SHOC1: variants seen among roughly 807,000 people sequenced by gnomAD.
The protein encoded by SHOC1 is protein shortage in chiasmata 1 ortholog.
Under a neutral mutation model 179.2 loss-of-function variants are expected in SHOC1, and 136 were observed. The ratio of observed to expected loss-of-function variants is 0.76; its 90% confidence interval spans 0.66 to 0.87. The LOEUF (loss-of-function observed/expected upper bound fraction) is 0.87. Ranked by LOEUF, SHOC1 falls within the 40% of genes least tolerant of loss-of-function variation. The pLI, the probability that SHOC1 is intolerant of heterozygous loss-of-function variation, is 0.00. For missense variants in SHOC1, 1,538 were observed against 1,700.8 expected, an observed-to-expected ratio of 0.90 and a Z score of 1.68; for synonymous variants, 489 against 586.6, an observed-to-expected ratio of 0.83 and a Z score of 2.41.
At chr9:111,774,926 T>C (rs910980715) in intron 5 of SHOC1, among the ~76,000 whole-genome samples, 7 of 152,280 alleles carry the variant, frequency 4.6e-5, no homozygotes, top group Admixed American at 1.3e-4. Flanking sequence ...AGTTTTTACA[T>C]GGTTGAAAGA....
chr9:111,710,428 T>C (rs551575835), intron 18 of SHOC1, among the ~76,000 whole-genome samples: 1 of 152,298 alleles, frequency 6.6e-6, no homozygotes, highest in East Asian at 1.9e-4. Flanking sequence ...TATTTGTATA[T>C]TTCGGTTCAG....
At chr9:111,705,398 T>A in intron 20 of SHOC1, 34 bp from the exon 21 acceptor site, 1 of 1,098,368 alleles carries the variant, frequency 9.1e-7, no homozygotes, top group Non-Finnish European at 1.3e-6. Flanking sequence ...TATTTCTCTT[T>A]TATTCTCATC....
intron 6 of SHOC1, among the ~76,000 whole-genome samples, 190 bp downstream of exon 6, chr9:111,758,505 C>T (rs960248384): frequency 7.9e-5 from 12 of 152,204 alleles, no homozygotes; most frequent in African/African-American, 2.9e-4. Context: ...AGGAGAATCG[C>T]ATGTGCCCAG....
Position 111,768,516 on chromosome 9 carries a change from G to A in SHOC1, c.442+7275C>T, listed in dbSNP as rs143377203. Among the ~76,000 whole-genome samples the A allele has an allele frequency of 6.2e-3, 942 of 152,278 alleles. 27 individuals are homozygous for A. Among genetic ancestry groups the A allele is most frequent in the East Asian group, 0.017 (88 of 5,188 alleles). On this transcript the variant is annotated intron_variant, in intron 5 of 27. Coordinates refer to ENST00000682961, the MANE Select transcript of SHOC1 (RefSeq NM_001378211.1). ...TTACAGGCGTGAGCCACCGCGCCCA[G>A]CCATTATGTTGATTTTGTGTTCTGC... is the stretch of plus-strand genomic sequence containing the variant.
chr9:111,753,485 AAAAGGAT>A lies in SHOC1; in HGVS notation c.862+2833_862+2839del, dbSNP rs1163942457. 2.0e-4 allele frequency among the ~76,000 whole-genome samples: 31 copies of A among 152,352 alleles called. 1 individual carries two copies. The highest frequency in any genetic ancestry group is 7.5e-4 in the African/African-American group (31 of 41,598). ...CAAACTCAATGTAATATACCATATC[AAAAGGAT>A]AAAAAATTTTAAAACCATGATTATT... On this transcript the variant is annotated intron_variant, in intron 8 of 27. Transcript: ENST00000682961.
intron 5 of SHOC1, among the ~76,000 whole-genome samples, chr9:111,769,975 GTTTTTTTTTTGTTTTTTTT>G (rs1835512066): frequency 3.4e-5 from 3 of 87,806 alleles, no homozygotes; most frequent in African/African-American, 5.3e-5. Flanking sequence ...TTTATCTTCT[GTTTTTTTTTTGTTTTTTTT>G]TTTTTTTTTT....
chr9:111,704,031 C>T lies in SHOC1; in HGVS notation c.2856-39G>A, dbSNP rs372929084. On this transcript the variant is annotated intron_variant, in intron 21 of 27. Transcript: ENST00000682961. The stretch of plus-strand genomic sequence containing the variant: ...TATTCTTGAGTGAAAAAATGAAATG[C>T]TAATAAAATTATTTAAGAAAAGTTG... The T allele has an allele frequency of 3.4e-5, 37 of 1,101,390 alleles. No homozygotes were observed. In the East Asian group the frequency reaches 8.0e-4, roughly 24 times the overall value. 68.2% of individuals were successfully genotyped at this position (1,101,390 alleles called of 1,614,324 possible). A position where few individuals can be genotyped will look rare whatever the true frequency, so the allele number is the denominator to read the frequency against.
intron 11 of SHOC1, among the ~76,000 whole-genome samples, chr9:111,739,610 CTG>C (rs1232094408): frequency 6.6e-6 from 1 of 152,044 alleles, no homozygotes; most frequent in African/African-American, 2.4e-5. Flanking sequence ...TTGAGATCAT[CTG>C]TGTTGTGTAT....
intron 8 of SHOC1, among the ~76,000 whole-genome samples, chr9:111,752,114 C>T (rs1023324703): frequency 4.6e-5 from 7 of 152,142 alleles, no homozygotes; most frequent in East Asian, 1.9e-4. Context: ...TGACATATTT[C>T]GTACTAGCTG....
chr9:111,731,424 T>A (rs1168223393), intron 12 of SHOC1, among the ~76,000 whole-genome samples: 1 of 152,108 alleles, frequency 6.6e-6, no homozygotes, highest in African/African-American at 2.4e-5. Context: ...CAGGCCACTG[T>A]AGGGTTATTA....
chr9:111,791,374 C>G lies in SHOC1; in HGVS notation c.45G>C (p.Glu15Asp). The G allele has an allele frequency of 6.9e-7, 1 of 1,457,246 alleles. No homozygotes were observed. The highest frequency in any genetic ancestry group is 9.1e-7 in the Non-Finnish European group (1 of 1,095,888). The allele number at this position is 1,457,246 out of a possible 1,614,324, so 90.3% of individuals were successfully genotyped here. Residue 15 changes from glutamate to aspartate, a missense_variant and splice_region_variant, in exon 2 of 28, where the codon GAG (glutamate) becomes GAC (aspartate). Physicochemically the swap from Glu to Asp is conservative, Grantham distance 45. Transcript: ENST00000682961. ...LKYHAIDYLY[E>D]NVVRKKFYRD... The stretch of plus-strand genomic sequence containing the variant: ...AGACAGTAAGCCACTAACACTCTAC[C>G]TCATATAAATAGTCTATTGCATGAT...
In SHOC1 at chr9:111,756,375, A is replaced by G. The variant is rs746586090; in HGVS notation, c.812T>C (p.Val271Ala). Reference sequence around the variant, plus strand: ...ATCTACATAGTTTATTATTTCTGGCACTGGGTTTAATAACTCCTTCAGTTC... The same window carrying G: ...ATCTACATAGTTTATTATTTCTGGCGCTGGGTTTAATAACTCCTTCAGTTC... ...LSELKELLNP[V>A]PEIINYVDEK... Residue 271 changes from valine (V) to alanine (A), a missense_variant, in exon 8 of 28, where the codon GTG becomes GCG. Coordinates refer to ENST00000682961, the MANE Select transcript of SHOC1 (RefSeq NM_001378211.1). The G allele has an allele frequency of 6.2e-7, 1 of 1,611,152 alleles. No individual in the cohort carries two copies. Among genetic ancestry groups the G allele is most frequent in the Non-Finnish European group, 8.5e-7 (1 of 1,178,732 alleles).
At chr9:111,687,855 TA>T (rs1831248391) in intron 27 of SHOC1, among the ~76,000 whole-genome samples, 1 of 152,124 alleles carries the variant, frequency 6.6e-6, no homozygotes, top group African/African-American at 2.4e-5. Flanking sequence ...ATACACCCTT[TA>T]GGGGGATATC....
chr9:111,770,794 C>T (rs1835573198), intron 5 of SHOC1, among the ~76,000 whole-genome samples: 1 of 152,094 alleles, frequency 6.6e-6, no homozygotes, highest in South Asian at 2.1e-4. Context: ...TCTCTTTTTA[C>T]AATCTTAGAT....
In SHOC1 at chr9:111,691,582, T is replaced by C. The variant is rs767202342; in HGVS notation, c.4395A>G (p.Ser1465=). The C allele has an allele frequency of 3.1e-6, 5 of 1,613,332 alleles. No homozygotes were observed. The East Asian group carries it at 1.1e-4, about 36-fold the overall frequency. Residue 1465 remains serine, a synonymous_variant, in exon 27 of 28, where the codon TCA becomes TCG. Coordinates refer to ENST00000682961, the MANE Select transcript of SHOC1 (RefSeq NM_001378211.1). ...ATGATTCCTTGTCTCCTGAGTTAAA[T>C]GAAGATTCATGGTGCCTTTTCTGTC... ...SLGQKRHHES[S]FNSGDKESLT... is the part of the protein sequence containing the mutation.
At chr9:111,732,778 T>G (rs1195809892) in intron 12 of SHOC1, among the ~76,000 whole-genome samples, 10 of 151,682 alleles carry the variant, frequency 6.6e-5, no homozygotes, top group African/African-American at 2.4e-4. Context: ...GGAGGAGAGG[T>G]GGGATGGAAG....
chr9:111,745,030 GA>G (rs561083680), intron 10 of SHOC1, among the ~76,000 whole-genome samples: 92 of 152,220 alleles, frequency 6.0e-4, no homozygotes, highest in African/African-American at 2.1e-3. Flanking sequence ...ACAAGTTTAC[GA>G]ATCAAGCCTT....
chr9:111,739,838 T>C (rs1833956603), intron 11 of SHOC1, among the ~76,000 whole-genome samples: 1 of 152,220 alleles, frequency 6.6e-6, no homozygotes, highest in Admixed American at 6.5e-5. Flanking sequence ...TGTTGTCTAT[T>C]AGCATGTGTT....
intron 5 of SHOC1, among the ~76,000 whole-genome samples, chr9:111,774,303 A>G (rs1835743050): frequency 6.6e-6 from 1 of 152,142 alleles, no homozygotes; most frequent in Admixed American, 6.5e-5. Context: ...CAAATCTCAA[A>G]ACCACTTTTT....
Sources: allele counts gnomAD v4.1 joint callset (sites outside exome capture counted in the v4.1 genomes callset), GRCh38; gene constraint gnomAD v4.1.1; transcripts MANE v1.5; gene names NCBI Gene and HGNC (gene_info 2026-07-23, HGNC 2026-07-21).